PLAAT1: variants seen among roughly 807,000 people sequenced by gnomAD.
PLAAT1 encodes H-REV107 protein-related protein.
Under a neutral mutation model 16.4 loss-of-function variants are expected in PLAAT1, and 13 were observed. That is an observed-to-expected ratio of 0.79 (90% CI 0.52 to 1.26). The LOEUF is 1.26. PLAAT1 is among the 50% of genes most tolerant of loss of function. The pLI, the probability that PLAAT1 is intolerant of heterozygous loss-of-function variation, is 0.00. For missense variants in PLAAT1, 218 were observed against 207.8 expected (o/e 1.05, Z -0.30); for synonymous variants, 73 against 78.4 (o/e 0.93, Z 0.36).
chr3:193,242,304 A>G (rs1414316477), intron 1 of PLAAT1, among the ~76,000 whole-genome samples: 2 of 152,058 alleles, frequency 1.3e-5, no homozygotes, highest in African/African-American at 2.4e-5. Context: ...CCAGTAGCTG[A>G]GGCAGGTGTA....
intron 1 of PLAAT1, among the ~76,000 whole-genome samples, chr3:193,243,741 A>G (rs537064467): frequency 6.6e-6 from 1 of 152,240 alleles, no homozygotes; most frequent in South Asian, 2.1e-4. Context: ...AACTCATCTG[A>G]GTCTCAGTTT....
chr3:193,256,648 A>T (rs561588562), intron 2 of PLAAT1, among the ~76,000 whole-genome samples: 1 of 152,338 alleles, frequency 6.6e-6, no homozygotes, highest in South Asian at 2.1e-4. Context: ...AGTGTTGATA[A>T]GAATATAGTG....
chr3:193,279,647 A>G (rs1717390933), downstream of PLAAT1, among the ~76,000 whole-genome samples: 1 of 152,140 alleles, frequency 6.6e-6, no homozygotes, highest in South Asian at 2.1e-4. Context: ...TCTTTCCTTG[A>G]AAGTCTGGAT....
intron 1 of PLAAT1, among the ~76,000 whole-genome samples, chr3:193,252,064 A>C (rs924832033): frequency 2.0e-5 from 3 of 152,212 alleles, no homozygotes; most frequent in Non-Finnish European, 4.4e-5. Flanking sequence ...TAATTGGCTC[A>C]CAGCTCCATA....
chr3:193,261,892 G>C (rs1716596273), intron 2 of PLAAT1, among the ~76,000 whole-genome samples: 1 of 152,224 alleles, frequency 6.6e-6, no homozygotes, highest in African/African-American at 2.4e-5. Flanking sequence ...CTGAGGACTT[G>C]TAATGTGTGA....
In PLAAT1 at chr3:193,258,802, G is replaced by A. The variant is rs6805511; in HGVS notation, c.139+3013G>A. On this transcript the variant is annotated intron_variant, in intron 2 of 3. Coordinates refer to ENST00000264735, the MANE Select transcript of PLAAT1 (RefSeq NM_020386.5). Reference sequence around the variant, plus strand: ...ACCGAAAAAAGCCCTGGAGCAGATGGATTCACAGCCAAATTCCAGGAGGTG... The same window carrying A: ...ACCGAAAAAAGCCCTGGAGCAGATGAATTCACAGCCAAATTCCAGGAGGTG... 6.7e-3 allele frequency among the ~76,000 whole-genome samples: 1,016 copies of A among 152,148 alleles called. 14 individuals carry two copies. Among genetic ancestry groups the A allele is most frequent in the African/African-American group, 0.023 (972 of 41,508 alleles).
At chr3:193,246,924 GAGA>G (rs1716003131) in intron 1 of PLAAT1, among the ~76,000 whole-genome samples, 1 of 152,202 alleles carries the variant, frequency 6.6e-6, no homozygotes, top group Non-Finnish European at 1.5e-5. Flanking sequence ...GGAAGAGCTT[GAGA>G]AGGATTGGTA....
chr3:193,278,159 A>G (rs1318076166), downstream of PLAAT1, among the ~76,000 whole-genome samples: 2 of 152,192 alleles, frequency 1.3e-5, no homozygotes, highest in South Asian at 4.1e-4. Context: ...ACTACTTGAG[A>G]GCAGTGACCA....
rs564903085 is a variant in PLAAT1, at chr3:193,266,773, G to A, written c.405+3538G>A. Among the ~76,000 whole-genome samples, 11 of 152,204 alleles carry A rather than the reference G, an allele frequency of 7.2e-5. No individual in the cohort carries two copies. The East Asian group carries it at 1.2e-3, about 16-fold the overall frequency. ...ACAGTATCCGGGAATTTTATAGATC[G>A]TTGTTAGCATAGTCAATAAAATCTT... On this transcript the variant is annotated intron_variant, in intron 3 of 3. Transcript: ENST00000264735.
In PLAAT1 at chr3:193,276,914, T is replaced by C. The variant is rs559602111; in HGVS notation, c.*60-722T>C. ...CATATTAATTATTTAATTTATAGAT[T>C]TGTAATAACTCTCTGAGCTTAGTGG... On this transcript the variant is annotated intron_variant and NMD_transcript_variant, in intron 2 of 2. Coordinates refer to the PLAAT1 transcript ENST00000416012. The C allele has an allele frequency of 4.3e-5, 44 of 1,020,208 alleles. 2 individuals carry two copies. In the South Asian group the frequency reaches 6.3e-4, roughly 15 times the overall value. The allele number at this position is 1,020,208 out of a possible 1,614,324, so 63.2% of individuals were successfully genotyped here. A position where few individuals can be genotyped will look rare whatever the true frequency, so the allele number is the denominator to read the frequency against.
At chr3:193,254,884 G>T (rs994306663) in intron 1 of PLAAT1, among the ~76,000 whole-genome samples, 10 of 152,174 alleles carry the variant, frequency 6.6e-5, no homozygotes, top group Non-Finnish European at 1.5e-4. Context: ...ACACTACACA[G>T]TATAGTTTTA....
At chr3:193,276,936 G>T in intron 2 of PLAAT1, 1 of 828,042 alleles carries the variant, frequency 1.2e-6, no homozygotes, top group Non-Finnish European at 1.9e-6. Flanking sequence ...TCTGAGCTTA[G>T]TGGTGGGCAT....
intron 2 of PLAAT1, among the ~76,000 whole-genome samples, chr3:193,259,348 T>C (rs1016642008): frequency 2.0e-5 from 3 of 152,154 alleles, no homozygotes; most frequent in African/African-American, 7.2e-5. Context: ...ACTATTCCTG[T>C]TCAACATAGT....
chr3:193,254,139 T>C (rs1716293366), intron 1 of PLAAT1, among the ~76,000 whole-genome samples: 1 of 152,228 alleles, frequency 6.6e-6, no homozygotes, highest in African/African-American at 2.4e-5. Flanking sequence ...TTAATCGTTT[T>C]CATAAAGTTG....
At chr3:193,269,798 T>A (rs1405816599) in intron 3 of PLAAT1, among the ~76,000 whole-genome samples, 2 of 152,170 alleles carry the variant, frequency 1.3e-5, no homozygotes, top group African/African-American at 4.8e-5. Context: ...ATTAGTTGAG[T>A]GCCAAGAATA....
At chr3:193,263,768 T>G (rs1716676787) in intron 3 of PLAAT1, among the ~76,000 whole-genome samples, 1 of 152,212 alleles carries the variant, frequency 6.6e-6, no homozygotes, top group African/African-American at 2.4e-5. Context: ...TCACTGAGCT[T>G]TTGGATGACT....
chr3:193,255,291 T>G (rs536944064), intron 1 of PLAAT1, among the ~76,000 whole-genome samples: 1 of 152,212 alleles, frequency 6.6e-6, no homozygotes, highest in Non-Finnish European at 1.5e-5. Flanking sequence ...GACCATTTTT[T>G]AATATTTAAT....
At chr3:193,271,812 T>C (rs1437554638), downstream of PLAAT1, among the ~76,000 whole-genome samples, 1 of 152,194 alleles carries the variant, frequency 6.6e-6, no homozygotes. Flanking sequence ...GGTGAAAGTC[T>C]TGTACCTATT....
At chr3:193,264,285 T>C (rs1191233030) in intron 3 of PLAAT1, among the ~76,000 whole-genome samples, 1 of 152,204 alleles carries the variant, frequency 6.6e-6, no homozygotes, top group Admixed American at 6.5e-5. Context: ...CCTCGTGTTA[T>C]TTAAACGCTG....
Sources: allele counts gnomAD v4.1 joint callset (sites outside exome capture counted in the v4.1 genomes callset), GRCh38; gene constraint gnomAD v4.1.1; transcripts MANE v1.5; gene names NCBI Gene and HGNC (gene_info 2026-07-23, HGNC 2026-07-21).